The following APOBEC3F variants were observed in gnomAD, a reference collection of about 807,000 sequenced individuals.
APOBEC3F encodes the protein apolipoprotein B mRNA editing enzyme catalytic subunit 3F.
A neutral mutation model predicts 45.8 loss-of-function variants in APOBEC3F; 34 were observed. That is an observed-to-expected ratio of 0.74 (90% confidence interval 0.57 to 0.99). APOBEC3F has a LOEUF of 0.99. APOBEC3F is among the 50% of genes least tolerant of loss of function. The probability of loss-of-function intolerance (pLI) is 0.00; values close to 1 mark genes in which losing one functional copy is unlikely to be tolerated. For missense variants in APOBEC3F, 459 were observed against 474.1 expected (o/e 0.97, Z 0.30); for synonymous variants, 192 against 174.4 (o/e 1.10, Z -0.80).
At chr22:39,044,240 T>C in intron 2 of APOBEC3F, 2 of 1,593,226 alleles carry the variant, frequency 1.3e-6, no homozygotes, top group South Asian at 2.3e-5. Flanking sequence ...CAGCAGGGGC[T>C]GAGGATGCCT....
At chr22:39,044,456 A>G (rs1927098644) in intron 2 of APOBEC3F, 2 of 1,229,734 alleles carry the variant, frequency 1.6e-6, no homozygotes, top group Non-Finnish European at 2.1e-6. Flanking sequence ...CTGTCAATGC[A>G]CCAGCAACTT....
At chr22:39,052,375 G>T (rs377123590) in intron 6 of APOBEC3F, 22 bp downstream of exon 6, 1 of 1,612,632 alleles carries the variant, frequency 6.2e-7, no homozygotes, top group African/African-American at 1.3e-5. Context: ...GGGGGCTGAG[G>T]AGAGTGGGTG....
At chr22:39,044,912 G>A (rs1207270745) in intron 2 of APOBEC3F, 29 bp from the exon 3 acceptor site, 1 of 1,597,082 alleles carries the variant, frequency 6.3e-7, no homozygotes, top group Non-Finnish European at 8.5e-7. Flanking sequence ...CCCTCTCAGA[G>A]CATCCCCTGC....
At chr22:39,052,472 G>T in intron 6 of APOBEC3F, 105 bp from the exon 7 acceptor site, 2 of 1,570,134 alleles carry the variant, frequency 1.3e-6, no homozygotes, top group Non-Finnish European at 1.7e-6. Context: ...TGGCGCCAGT[G>T]TCCACTGCAA....
intron 2 of APOBEC3F, chr22:39,044,134 G>A: frequency 6.4e-7 from 1 of 1,570,220 alleles, no homozygotes; most frequent in South Asian, 1.2e-5. Flanking sequence ...TAGCCCCTTT[G>A]GCCAGTGCGC....
chr22:39,044,936 C>G lies in APOBEC3F; in HGVS notation c.172-5C>G, dbSNP rs750402337. ...AGCATCCCCTGCCCCCTGCTCCTCT[C>G]CCAGGTGTATTCCCAGCCTGAGCAC... On this transcript the variant is annotated splice_region_variant and splice_polypyrimidine_tract_variant and intron_variant, in intron 2 of 6. Transcript: ENST00000308521. 34 of 1,613,344 alleles carry G rather than the reference C, an allele frequency of 2.1e-5. No individual in the cohort carries two copies. Among genetic ancestry groups the G allele is most frequent in the Middle Eastern group, 3.3e-4 (2 of 6,082 alleles).
chr22:39,045,975 G>A (rs1340916866), intron 4 of APOBEC3F, among the ~76,000 whole-genome samples: 1 of 151,814 alleles, frequency 6.6e-6, no homozygotes, highest in Non-Finnish European at 1.5e-5. Context: ...TTCAGGCTTC[G>A]ACTGCCATAG....
At chr22:39,045,841 C>T (rs950376663) in intron 4 of APOBEC3F, among the ~76,000 whole-genome samples, 4 of 151,834 alleles carry the variant, frequency 2.6e-5, no homozygotes, top group African/African-American at 9.7e-5. Flanking sequence ...CTGGCATAAT[C>T]GAATTTGTCA....
In APOBEC3F at chr22:39,055,049, C is replaced by A. The variant is rs1289454112; in HGVS notation, c.*2354C>A. Among the ~76,000 whole-genome samples, 1 of 151,604 alleles carries A rather than the reference C, an allele frequency of 6.6e-6. No individual in the cohort carries two copies. Among genetic ancestry groups the A allele is most frequent in the Non-Finnish European group, 1.5e-5 (1 of 67,982 alleles). ...CTTTCCTCTATGAACCTGTACTGTACCTCTGGGGTCTCTCTGCTTCCAAAT... is the reference window on the plus strand; with the variant it reads ...CTTTCCTCTATGAACCTGTACTGTAACTCTGGGGTCTCTCTGCTTCCAAAT... On this transcript the variant is annotated 3_prime_UTR_variant, in exon 7 of 7. Transcript: ENST00000308521.
chr22:39,048,304 C>T (rs6001401), intron 4 of APOBEC3F, among the ~76,000 whole-genome samples: 19 of 152,214 alleles, frequency 1.2e-4, no homozygotes, highest in African/African-American at 3.1e-4. Context: ...TCTGGCACCT[C>T]GTCTGTAAAA....
chr22:39,050,332 G>A (rs1299767048), intron 5 of APOBEC3F, among the ~76,000 whole-genome samples: 10 of 151,956 alleles, frequency 6.6e-5, no homozygotes, highest in Admixed American at 2.6e-4. Flanking sequence ...TCACCCTGCC[G>A]CCCCCACAGC....
At chr22:39,050,558 TGTG>T (rs1927437968) in intron 5 of APOBEC3F, among the ~76,000 whole-genome samples, 1 of 148,706 alleles carries the variant, frequency 6.7e-6, no homozygotes, top group African/African-American at 2.5e-5. Flanking sequence ...GACAAGAACT[TGTG>T]GAAGAAATTT....
intron 2 of APOBEC3F, among the ~76,000 whole-genome samples, chr22:39,043,298 G>GTT (rs386353176): frequency 7.5e-5 from 9 of 120,062 alleles, no homozygotes; most frequent in Non-Finnish European, 1.0e-4. Flanking sequence ...AAGGCCTTGT[G>GTT]TTTTTTTTTT....
chr22:39,050,025 G>C (rs865951840), intron 5 of APOBEC3F, among the ~76,000 whole-genome samples: 1 of 151,434 alleles, frequency 6.6e-6, no homozygotes, highest in Non-Finnish European at 1.5e-5. Context: ...TTTTAAGTCC[G>C]TGGCCCAGAT....
rs750402337 is a variant in APOBEC3F, at chr22:39,044,936, C to T, written c.172-5C>T. ...AGCATCCCCTGCCCCCTGCTCCTCT[C>T]CCAGGTGTATTCCCAGCCTGAGCAC... On this transcript the variant is annotated splice_region_variant and splice_polypyrimidine_tract_variant and intron_variant, in intron 2 of 6. Coordinates refer to ENST00000308521, the MANE Select transcript of APOBEC3F (RefSeq NM_145298.6). The T allele has an allele frequency of 6.2e-7, 1 of 1,613,462 alleles. No homozygotes were observed. Among genetic ancestry groups the T allele is most frequent in the Non-Finnish European group, 8.5e-7 (1 of 1,179,562 alleles).
In APOBEC3F at chr22:39,043,069, C is replaced by T. The variant is rs776436739; in HGVS notation, c.150C>T (p.Asp50=). The T allele has an allele frequency of 4.3e-6, 7 of 1,614,152 alleles. No individual in the cohort carries two copies. Among genetic ancestry groups the T allele is most frequent in the Admixed American group, 1.7e-5 (1 of 60,018 alleles). ...KTKGPSRPRL[D]AKIFRGQVYS... is the part of the protein sequence containing the mutation. ...AGGGTCCCTCAAGGCCCCGTTTGGA[C>T]GCAAAGATCTTTCGAGGCCAGGTAC... Residue 50 remains aspartate, a synonymous_variant, in exon 2 of 7, where the codon GAC becomes GAT. Transcript: ENST00000308521.
rs1431391003 is a variant in APOBEC3F, at chr22:39,052,326, G to T, written c.976G>T (p.Ala326Ser). ...EGLRSLSQEG[A>S]SVEIMGYKDF... is the part of the protein sequence containing the mutation. The stretch of plus-strand genomic sequence containing the variant: ...GCTCCGCAGCCTGAGTCAGGAAGGG[G>T]CCTCCGTGGAGATCATGGGCTACAA... The change falls in exon 6 of 7, where the codon GCC becomes TCC. Residue 326 changes from alanine to serine, a missense_variant. Physicochemically the swap from Ala to Ser is moderately conservative, Grantham distance 99. Coordinates refer to ENST00000308521, the MANE Select transcript of APOBEC3F (RefSeq NM_145298.6). 1.2e-6 allele frequency: 2 copies of T among 1,614,230 alleles called. No homozygotes were observed. Among genetic ancestry groups the T allele is most frequent in the African/African-American group, 2.7e-5 (2 of 75,056 alleles).
intron 4 of APOBEC3F, among the ~76,000 whole-genome samples, chr22:39,048,826 A>G (rs2146347306): frequency 6.6e-6 from 1 of 152,124 alleles, no homozygotes; most frequent in South Asian, 2.1e-4. Flanking sequence ...AATAAATAAA[A>G]GTACAAAAAT....
At chr22:39,047,161 C>A (rs1927263939) in intron 4 of APOBEC3F, among the ~76,000 whole-genome samples, 1 of 151,934 alleles carries the variant, frequency 6.6e-6, no homozygotes, top group African/African-American at 2.4e-5. Context: ...CATCTGAGGG[C>A]ACCCCCACCC....
Sources: gnomAD v4.1 joint callset for allele counts (sites outside exome capture counted in the v4.1 genomes callset) on GRCh38, gnomAD v4.1.1 for gene constraint, MANE v1.5 for transcripts, NCBI Gene and HGNC (gene_info 2026-07-23, HGNC 2026-07-21) for gene names.